Variants in DNAI7 observed in about 807,000 individuals in gnomAD.
The protein encoded by DNAI7 is dynein axonemal intermediate chain 7, also known as cancer susceptibility 1.
A neutral mutation model predicts 86.6 loss-of-function variants in DNAI7; 78 were observed. The observed-to-expected ratio is 0.90, with a 90% CI of 0.75 to 1.09. The LOEUF is 1.09. Among genes scored for constraint, DNAI7 ranks in the 50% least tolerant of loss-of-function variants. The pLI is 0.00. For synonymous variants in DNAI7, 274 were observed against 273.0 expected, an observed-to-expected ratio of 1.00 and a Z score of -0.04; for missense variants, 753 against 810.2, an observed-to-expected ratio of 0.93 and a Z score of 0.86.
At chr12:25,171,687 A>G (rs756241089) in intron 2 of DNAI7, among the ~76,000 whole-genome samples, 6 of 152,302 alleles carry the variant, frequency 3.9e-5, no homozygotes, top group Non-Finnish European at 5.9e-5. Context: ...ACTACAGACC[A>G]ATATCCTTGA....
intron 2 of DNAI7, among the ~76,000 whole-genome samples, chr12:25,165,189 T>C (rs867072158): frequency 1.3e-5 from 2 of 152,110 alleles, no homozygotes; most frequent in Admixed American, 6.6e-5. Context: ...AAATAAAACT[T>C]CAAAAATTAA....
chr12:25,138,782 A>G (rs1943840153), intron 9 of DNAI7, among the ~76,000 whole-genome samples: 1 of 128,732 alleles, frequency 7.8e-6, no homozygotes, highest in Non-Finnish European at 1.7e-5. Flanking sequence ...AAATCTGAAG[A>G]CACACCTCAA....
chr12:25,121,122 C>T (rs1941228057), intron 11 of DNAI7, among the ~76,000 whole-genome samples: 1 of 152,154 alleles, frequency 6.6e-6, no homozygotes, highest in Non-Finnish European at 1.5e-5. Context: ...GCCTTACCTC[C>T]AGGGTTTCGG....
Position 25,155,321 on chromosome 12 carries a change from A to C in DNAI7, c.290T>G (p.Leu97Trp). ...AGAAATCAGTCCTACCTGAGAAAGC[A>C]ATTTAGTTTCCTGTTTCAATTTCTC... ...EAEKLKQETK[L>W]LSQWKHYIQC... The change falls in exon 5 of 16, where the codon TTG (leucine) becomes TGG (tryptophan). Residue 97 changes from leucine to tryptophan, a missense_variant. Coordinates refer to ENST00000395987, the MANE Select transcript of DNAI7 (RefSeq NM_018272.5). The C allele has an allele frequency of 6.3e-7, 1 of 1,586,932 alleles. No homozygotes were observed. Among genetic ancestry groups the C allele is most frequent in the East Asian group, 2.2e-5 (1 of 44,532 alleles).
intron 2 of DNAI7, among the ~76,000 whole-genome samples, chr12:25,182,839 G>A (rs1949662760): frequency 6.6e-6 from 1 of 151,952 alleles, no homozygotes; most frequent in Non-Finnish European, 1.5e-5. Flanking sequence ...TGGGAGGATC[G>A]CTTGAGCTCA....
chr12:25,143,287 C>CA (rs1418083864), intron 9 of DNAI7, among the ~76,000 whole-genome samples: 5 of 146,218 alleles, frequency 3.4e-5, no homozygotes, highest in Non-Finnish European at 7.4e-5. Context: ...CTCACTCTGT[C>CA]ACCCAGGCTG....
chr12:25,119,023 C>A (rs1176007147), intron 12 of DNAI7, 122 bp downstream of exon 12: 19 of 756,750 alleles, frequency 2.5e-5, no homozygotes, highest in Non-Finnish European at 3.6e-5. Flanking sequence ...CAAAACAAGA[C>A]CCTTGAATTG....
intron 13 of DNAI7, among the ~76,000 whole-genome samples, chr12:25,112,696 A>G (rs188185452): frequency 6.7e-5 from 10 of 150,366 alleles, no homozygotes; most frequent in East Asian, 4.0e-4. Context: ...GTGAGCCACC[A>G]CACCTAGCCT....
chr12:25,147,091 A>ACT lies in DNAI7; in HGVS notation c.598_599insAG (p.Leu200Ter). The ACT allele has an allele frequency of 1.9e-6, 3 of 1,580,958 alleles. No homozygotes were observed. The highest frequency in any genetic ancestry group is 2.6e-6 in the Non-Finnish European group (3 of 1,149,966). ...CATATTTCCACTGTCCAGATCTGCC[A>ACT]AAGTACTAGCTTGCTGTAAGAGAAA... Reference protein sequence around the residue: ...TEILLKQASTLADLDSGNMEK... With the variant: ...TEILLKQAST Residue 200 changes from leucine to a stop codon, truncating the protein, a stop_gained and frameshift_variant, in exon 8 of 16, where the codon TTG becomes TAGTG. Coordinates refer to ENST00000395987, the MANE Select transcript of DNAI7 (RefSeq NM_018272.5). LOFTEE classifies it high-confidence loss of function.
chr12:25,130,259 C>T (rs933295634), intron 9 of DNAI7, among the ~76,000 whole-genome samples: 4 of 151,926 alleles, frequency 2.6e-5, no homozygotes, highest in East Asian at 1.9e-4. Flanking sequence ...TTATATGGGC[C>T]GGGCGCGGTG....
intron 13 of DNAI7, among the ~76,000 whole-genome samples, chr12:25,113,938 G>GTTTTTTTTT (rs112532652): frequency 1.3e-4 from 11 of 82,830 alleles, no homozygotes; most frequent in Non-Finnish European, 1.5e-4. Context: ...TTCTTTCTGG[G>GTTTTTTTTT]TTTTTTTTTT....
rs566539635 is a variant in DNAI7, at chr12:25,162,447, T to C, written c.22-1250A>G. On this transcript the variant is annotated intron_variant, in intron 2 of 15. Transcript: ENST00000395987. ...CAAAGGTCAGTGCTACATAAGCAGA[T>C]ACGAAAGCAATTTCTGTGATAACGA... Among the ~76,000 whole-genome samples the C allele has an allele frequency of 4.6e-5, 7 of 152,340 alleles. No homozygotes were observed. In the South Asian group the frequency reaches 1.5e-3, roughly 32 times the overall value.
In DNAI7 at chr12:25,144,389, TTCC is replaced by T. The variant is rs761923791; in HGVS notation, c.975_977del (p.Glu326del). The T allele has an allele frequency of 4.3e-6, 7 of 1,613,746 alleles. No homozygotes were observed. The highest frequency in any genetic ancestry group is 5.9e-6 in the Non-Finnish European group (7 of 1,179,812). On this transcript the variant is annotated inframe_deletion, in exon 9 of 16. Transcript: ENST00000395987. Reference sequence around the variant, plus strand: ...CCATTTTCACTTCAATATCACCTTGTTCCTCCTCAACTTTTATTTCTTCCTCCT... The same window carrying T: ...CCATTTTCACTTCAATATCACCTTGTTCCTCAACTTTTATTTCTTCCTCCT...
chr12:25,124,650 G>A (rs1004493105), intron 9 of DNAI7, among the ~76,000 whole-genome samples: 1 of 152,120 alleles, frequency 6.6e-6, no homozygotes, highest in African/African-American at 2.4e-5. Flanking sequence ...GTTTGAGGGT[G>A]CATGTGAAGG....
intron 1 of DNAI7, 47 bp from the exon 2 acceptor site, chr12:25,190,678 TG>T: frequency 8.6e-7 from 1 of 1,162,408 alleles, no homozygotes; most frequent in Non-Finnish European, 1.2e-6. Flanking sequence ...AAGACAATTC[TG>T]ATACAAAAGT....
At chr12:25,143,519 C>T (rs538376298) in intron 9 of DNAI7, among the ~76,000 whole-genome samples, 3 of 152,176 alleles carry the variant, frequency 2.0e-5, no homozygotes, top group Admixed American at 2.0e-4. Flanking sequence ...CCACCACGCC[C>T]GGCCTATAAT....
chr12:25,147,651 G>A (rs1945045239), intron 7 of DNAI7, among the ~76,000 whole-genome samples: 1 of 152,146 alleles, frequency 6.6e-6, no homozygotes, highest in Non-Finnish European at 1.5e-5. Flanking sequence ...GCAAGACTGG[G>A]TCTCAGAAAA....
chr12:25,127,361 C>A (rs1262021547), intron 9 of DNAI7, among the ~76,000 whole-genome samples: 1 of 152,136 alleles, frequency 6.6e-6, no homozygotes, highest in Non-Finnish European at 1.5e-5. Flanking sequence ...TTCCTATTTT[C>A]ATCATGTTTT....
At chr12:25,107,984 A>G, downstream of DNAI7, 4 of 1,614,148 alleles carry the variant, frequency 2.5e-6, no homozygotes, top group Non-Finnish European at 3.4e-6. Flanking sequence ...ACACAGCAAG[A>G]GGACTCATGG....
Sources: allele counts gnomAD v4.1 joint callset (sites outside exome capture counted in the v4.1 genomes callset), GRCh38; gene constraint gnomAD v4.1.1; transcripts MANE v1.5; gene names NCBI Gene and HGNC (gene_info 2026-07-23, HGNC 2026-07-21).